SCAPER: variants seen among roughly 807,000 people sequenced by gnomAD.
SCAPER encodes the protein S-phase cyclin A associated protein in the ER.
A neutral mutation model predicts 182.2 loss-of-function variants in SCAPER; 98 were observed. The ratio of observed to expected loss-of-function variants is 0.54; its 90% CI spans 0.46 to 0.64. SCAPER has a LOEUF of 0.64. SCAPER is among the 30% of genes least tolerant of loss of function. The probability of loss-of-function intolerance (pLI) is 0.00; values close to 1 mark genes in which losing one functional copy is unlikely to be tolerated. For synonymous variants in SCAPER, 605 were observed against 564.6 expected, an observed-to-expected ratio of 1.07 and a Z score of -1.01; for missense variants, 1,432 against 1,690.0, an observed-to-expected ratio of 0.85 and a Z score of 2.68.
At chr15:76,634,159 T>A (rs985999939) in intron 21 of SCAPER, among the ~76,000 whole-genome samples, 7 of 152,222 alleles carry the variant, frequency 4.6e-5, no homozygotes, top group Non-Finnish European at 4.4e-5. Context: ...GTTACAAGGA[T>A]CTGTGGGAAA....
At chr15:76,495,989 G>GACACACACAC (rs1189380440) in intron 24 of SCAPER, among the ~76,000 whole-genome samples, 20 of 105,572 alleles carry the variant, frequency 1.9e-4, no homozygotes, top group East Asian at 1.2e-3. Context: ...AAGCAAAAGA[G>GACACACACAC]AGAGACACAC....
chr15:76,424,696 T>C (rs745829261), intron 26 of SCAPER, among the ~76,000 whole-genome samples: 8 of 152,180 alleles, frequency 5.3e-5, no homozygotes, highest in Admixed American at 1.3e-4. Flanking sequence ...TTAGTTGATG[T>C]AGTTTCTTCC....
At chr15:76,744,371 A>G (rs2061689473) in intron 15 of SCAPER, among the ~76,000 whole-genome samples, 2 of 152,184 alleles carry the variant, frequency 1.3e-5, no homozygotes, top group Admixed American at 1.3e-4. Flanking sequence ...ATGGGAGACA[A>G]TATTTGCAAA....
Position 76,351,323 on chromosome 15 carries a change from GC to G in SCAPER, c.4048-36del. 4 of 1,567,276 alleles carry G rather than the reference GC, an allele frequency of 2.6e-6. No homozygotes were observed. In the Admixed American group the frequency reaches 7.4e-5, roughly 29 times the overall value. The stretch of plus-strand genomic sequence containing the variant: ...GAGAGAAAAGTGTTTTTCTATCAAT[GC>G]TATGAACAGAGAATTTCACTAAGGG... On this transcript the variant is annotated intron_variant, in intron 30 of 31. Transcript: ENST00000563290.
At chr15:76,754,707 T>C (rs1369675951) in intron 14 of SCAPER, among the ~76,000 whole-genome samples, 2 of 152,196 alleles carry the variant, frequency 1.3e-5, no homozygotes, top group East Asian at 3.9e-4. Flanking sequence ...TTTAATTGTT[T>C]TTTTCTCTCA....
chr15:76,381,422 G>C lies in SCAPER; in HGVS notation c.3661C>G (p.Arg1221Gly). The C allele has an allele frequency of 6.2e-7, 1 of 1,613,804 alleles. No individual in the cohort carries two copies. Among genetic ancestry groups the C allele is most frequent in the Non-Finnish European group, 8.5e-7 (1 of 1,179,840 alleles). The change falls in exon 28 of 32, where the codon CGT becomes GGT. Residue 1221 changes from arginine to glycine, a missense_variant. Coordinates refer to ENST00000563290, the MANE Select transcript of SCAPER (RefSeq NM_020843.4). The stretch of plus-strand genomic sequence containing the variant: ...AGAGCTGCAAAGCTGTTGAAGAAAC[G>C]TAAACTCTGAATGGCCACTTGGATG... ...NTIQVAIQSL[R>G]FFNSFAALHL...
At chr15:76,527,495 C>A (rs1467271277) in intron 23 of SCAPER, among the ~76,000 whole-genome samples, 1 of 152,156 alleles carries the variant, frequency 6.6e-6, no homozygotes, top group African/African-American at 2.4e-5. Context: ...TGGTTCAATT[C>A]TTGGTTGTGA....
At position 76,348,240 on chromosome 15, in the gene SCAPER, GTTAACATT is replaced by G; in HGVS notation, c.*385_*392del. 1 of 154,150 alleles carries G rather than the reference GTTAACATT, an allele frequency of 6.5e-6. No homozygotes were observed. The highest frequency in any genetic ancestry group is 6.5e-5 in the Admixed American group (1 of 15,486). The allele number at this position is 154,150 out of a possible 1,614,324, so 9.5% of individuals were successfully genotyped here. A position where few individuals can be genotyped will look rare whatever the true frequency, so the allele number is the denominator to read the frequency against. On this transcript the variant is annotated 3_prime_UTR_variant, in exon 32 of 32. Coordinates refer to ENST00000563290, the MANE Select transcript of SCAPER (RefSeq NM_020843.4). ...TATTTAAGATACTTCAAGAGCTGGAGTTAACATTTTTCTTTCAGATTCGTATTTCCTTA... is the reference window on the plus strand; with the variant it reads ...TATTTAAGATACTTCAAGAGCTGGAGTTTCTTTCAGATTCGTATTTCCTTA...
Position 76,381,580 on chromosome 15 carries a change from G to C in SCAPER, c.3503C>G (p.Pro1168Arg), listed in dbSNP as rs2042943318. Residue 1168 changes from proline to arginine, a missense_variant, in exon 28 of 32, where the codon CCC becomes CGC. By Grantham distance (103) the Pro-to-Arg change is moderately radical (BLOSUM62 -2). Transcript: ENST00000563290. ...YSIFDNNRQD[P>R]TGLTAALQAT... ...CTGAAGAGCAGCTGTCAGCCCTGTG[G>C]GATCCTGGCGATTATTGTCAAATAT... 1.2e-6 allele frequency: 2 copies of C among 1,604,982 alleles called. No homozygotes were observed.
rs560477782 is a variant in SCAPER at position 76,459,910 on chromosome 15, C to T, written c.3078+11302G>A. On this transcript the variant is annotated intron_variant, in intron 25 of 31. Coordinates refer to ENST00000563290, the MANE Select transcript of SCAPER (RefSeq NM_020843.4). ...ATGTGGTTATCCAGTTTTCCCAGCACCACTTACTAAAGAGGGTGTCCATTC... is the reference window on the plus strand; with the variant it reads ...ATGTGGTTATCCAGTTTTCCCAGCATCACTTACTAAAGAGGGTGTCCATTC... Among the ~76,000 whole-genome samples, 11 of 152,252 alleles carry T rather than the reference C, an allele frequency of 7.2e-5. No individual in the cohort carries two copies. In the South Asian group the frequency reaches 2.1e-3, roughly 29 times the overall value.
At chr15:76,715,456 C>G (rs971810283) in intron 17 of SCAPER, among the ~76,000 whole-genome samples, 1 of 152,216 alleles carries the variant, frequency 6.6e-6, no homozygotes, top group Non-Finnish European at 1.5e-5. Flanking sequence ...TAGAACTGGA[C>G]TAGTCCCCCT....
rs138259568 is a variant in SCAPER, at chr15:76,754,628, T to C, written c.1726-680A>G. Among the ~76,000 whole-genome samples, 8 of 152,132 alleles carry C rather than the reference T, an allele frequency of 5.3e-5. No homozygotes were observed. In the East Asian group the frequency reaches 1.5e-3, roughly 29 times the overall value. ...TGTTCTGTGCTCCAGGAAATAAGAT[T>C]CAGCACCAATGAAAATAAATTATAG... On this transcript the variant is annotated intron_variant, in intron 14 of 31. Transcript: ENST00000563290.
chr15:76,360,683 G>T (rs971230315), intron 29 of SCAPER, among the ~76,000 whole-genome samples: 4 of 151,256 alleles, frequency 2.6e-5, no homozygotes, highest in African/African-American at 7.4e-5. Flanking sequence ...TAACACAAAA[G>T]ACTTTTTTTC....
chr15:76,711,687 G>A (rs909763240), intron 17 of SCAPER, among the ~76,000 whole-genome samples: 1 of 152,182 alleles, frequency 6.6e-6, no homozygotes, highest in Non-Finnish European at 1.5e-5. Context: ...TTGATGGCCA[G>A]TGATGATGAG....
chr15:76,483,670 G>GT (rs1567236161), intron 24 of SCAPER, among the ~76,000 whole-genome samples: 1 of 152,086 alleles, frequency 6.6e-6, no homozygotes, highest in African/African-American at 2.4e-5. Flanking sequence ...AAAAAATCTA[G>GT]TTAAAAAGTG....
At chr15:76,751,031 G>A (rs970478194) in intron 15 of SCAPER, among the ~76,000 whole-genome samples, 12 of 151,674 alleles carry the variant, frequency 7.9e-5, no homozygotes, top group African/African-American at 2.9e-4. Context: ...TAAAAATTCA[G>A]TAAAGAAGCA....
rs557846791 is a variant in SCAPER, at chr15:76,725,586, C to A, written c.2165+3009G>T. ...CAAAGAGGCTCACATATCCTGATTT[C>A]AAAACTTACTACAAAACTACAGTAA... On this transcript the variant is annotated intron_variant, in intron 17 of 31. Transcript: ENST00000563290. Among the ~76,000 whole-genome samples the A allele has an allele frequency of 2.6e-5, 4 of 152,128 alleles. No homozygotes were observed. The South Asian group carries it at 8.3e-4, about 32-fold the overall frequency.
chr15:76,529,655 C>T (rs2043476541), intron 23 of SCAPER, among the ~76,000 whole-genome samples: 1 of 152,192 alleles, frequency 6.6e-6, no homozygotes, highest in African/African-American at 2.4e-5. Flanking sequence ...ATGCAACTAT[C>T]TTGAGAAAGA....
intron 23 of SCAPER, among the ~76,000 whole-genome samples, chr15:76,512,729 TAA>T (rs1457053952): frequency 6.6e-6 from 1 of 152,052 alleles, no homozygotes; most frequent in Admixed American, 6.6e-5. Flanking sequence ...TTGAAAAACC[TAA>T]GACACAAGCT....
Sources: allele counts gnomAD v4.1 joint callset (sites outside exome capture counted in the v4.1 genomes callset), GRCh38; gene constraint gnomAD v4.1.1; transcripts MANE v1.5; gene names NCBI Gene and HGNC (gene_info 2026-07-23, HGNC 2026-07-21).